PLD1: variants seen among roughly 807,000 people sequenced by gnomAD.
PLD1 encodes the protein phospholipase D1, also known as choline phosphatase 1.
Under a neutral mutation model 137.1 loss-of-function variants are expected in PLD1, and 112 were observed. That is an observed-to-expected ratio of 0.82 (90% CI 0.70 to 0.96). The LOEUF is 0.96. Among genes scored for constraint, PLD1 ranks in the 40% least tolerant of loss-of-function variants. The pLI is 0.00. For missense variants in PLD1, 1,321 were observed against 1,342.0 expected, an observed-to-expected ratio of 0.98 and a Z score of 0.24; for synonymous variants, 431 against 454.7, an observed-to-expected ratio of 0.95 and a Z score of 0.66.
At chr3:171,689,774 C>CT (rs1245748163) in intron 13 of PLD1, among the ~76,000 whole-genome samples, 1 of 152,190 alleles carries the variant, frequency 6.6e-6, no homozygotes, top group African/African-American at 2.4e-5. Flanking sequence ...AGCGCTGGGA[C>CT]TACATGCATG....
chr3:171,701,955 A>G (rs1560232088), intron 11 of PLD1, among the ~76,000 whole-genome samples: 1 of 152,228 alleles, frequency 6.6e-6, no homozygotes, highest in African/African-American at 2.4e-5. Flanking sequence ...TAATGACTTT[A>G]AATGCTTACA....
intron 17 of PLD1, 63 bp from the exon 18 acceptor site, chr3:171,676,896 A>C: frequency 4.5e-6 from 5 of 1,110,264 alleles, no homozygotes; most frequent in Non-Finnish European, 6.8e-6. Flanking sequence ...AGTCTCTCTG[A>C]CTCCAACTAT....
intron 1 of PLD1, among the ~76,000 whole-genome samples, chr3:171,740,250 C>A (rs568164562): frequency 1.3e-5 from 2 of 152,216 alleles, no homozygotes; most frequent in East Asian, 3.9e-4. Context: ...GTTTTCTAAC[C>A]TGGATAACTT....
intron 20 of PLD1, among the ~76,000 whole-genome samples, chr3:171,659,940 T>C (rs1737529427): frequency 2.0e-5 from 3 of 152,236 alleles, no homozygotes; most frequent in Admixed American, 6.5e-5. Context: ...TTTATATATC[T>C]ACAAAATAGT....
intron 1 of PLD1, among the ~76,000 whole-genome samples, chr3:171,745,025 T>C (rs185430618): frequency 3.1e-4 from 47 of 152,344 alleles, no homozygotes; most frequent in Admixed American, 6.5e-4. Flanking sequence ...CTTTGACCTC[T>C]TTGGACGACC....
intron 1 of PLD1, among the ~76,000 whole-genome samples, chr3:171,776,598 T>G (rs572253827): frequency 3.9e-5 from 6 of 152,352 alleles, no homozygotes; most frequent in African/African-American, 1.4e-4. Context: ...GCCCACCAAC[T>G]GGCATTCATT....
rs1474781667 is a variant in PLD1, at chr3:171,612,131, A to G, written c.2882+148T>C. On this transcript the variant is annotated intron_variant, in intron 25 of 26. Transcript: ENST00000351298. This position sits in a 1 kb window ranked among gnomAD's most constrained non-coding sequence, Gnocchi z 4.1. ...ACCACCTAAAGTCATTTCGCATACT[A>G]CTGGTGGTACATATCCTATATTCTG... 1 of 625,142 alleles carries G rather than the reference A, an allele frequency of 1.6e-6. No homozygotes were observed. Among genetic ancestry groups the G allele is most frequent in the African/African-American group, 1.8e-5 (1 of 54,884 alleles). 38.7% of individuals were successfully genotyped at this position (625,142 alleles called of 1,614,324 possible).
chr3:171,709,462 T>C (rs1176881391), intron 10 of PLD1, 98 bp downstream of exon 10: 1 of 977,392 alleles, frequency 1.0e-6, no homozygotes. Flanking sequence ...TAATGCATAA[T>C]CTTTCACAGT....
At chr3:171,649,954 C>T (rs1427302395) in intron 21 of PLD1, among the ~76,000 whole-genome samples, 1 of 152,018 alleles carries the variant, frequency 6.6e-6, no homozygotes, top group African/African-American at 2.4e-5. Context: ...TTAAAATGGC[C>T]CCAATGCAAT....
In PLD1 at chr3:171,683,799, C is replaced by G. The variant is rs146204703; in HGVS notation, c.1867+2886G>C. Among the ~76,000 whole-genome samples the G allele has an allele frequency of 1.2e-3, 183 of 152,250 alleles. 1 individual carries two copies. Among genetic ancestry groups the G allele is most frequent in the Middle Eastern group, 6.8e-3 (2 of 294 alleles). On this transcript the variant is annotated intron_variant, in intron 16 of 26. Transcript: ENST00000351298. ...GTTTTATTCACCACATCTCTAGCAC[C>G]CAGAATAGTGATTGGCATATAACAG...
chr3:171,622,324 A>G (rs1733709522), intron 23 of PLD1, among the ~76,000 whole-genome samples: 1 of 152,228 alleles, frequency 6.6e-6, no homozygotes, highest in African/African-American at 2.4e-5. Context: ...ATTCAGCGGA[A>G]ATCAATTCAG....
intron 19 of PLD1, among the ~76,000 whole-genome samples, chr3:171,671,745 T>C (rs909674862): frequency 2.0e-5 from 3 of 152,116 alleles, no homozygotes; most frequent in African/African-American, 7.2e-5. Flanking sequence ...AAAAAGGTGC[T>C]AAGGAGTCCT....
At position 171,735,563 on chromosome 3, in the gene PLD1, C is replaced by T. The variant is rs1175726135; in HGVS notation, c.363G>A (p.Lys121=). The change falls in exon 4 of 27, where the codon AAG becomes AAA. Residue 121 remains lysine, a synonymous_variant. Transcript: ENST00000351298. ...EFKWQVKRKF[K]HFQEFHRELL... ...GCTCTCTGTGAAATTCTTGAAAATG[C>T]TTGAATTTCCTCTTAACTTGCCATT... The T allele has an allele frequency of 4.4e-6, 7 of 1,604,330 alleles. No individual in the cohort carries two copies. The Admixed American group carries it at 8.3e-5, about 19-fold the overall frequency.
intron 16 of PLD1, among the ~76,000 whole-genome samples, chr3:171,679,041 A>T (rs554012869): frequency 6.6e-6 from 1 of 152,138 alleles, no homozygotes; most frequent in East Asian, 1.9e-4. Flanking sequence ...TCCCACTAAC[A>T]ACTGCCCCAA....
At chr3:171,750,623 A>G (rs931343758) in intron 1 of PLD1, among the ~76,000 whole-genome samples, 2 of 152,132 alleles carry the variant, frequency 1.3e-5, no homozygotes, top group Non-Finnish European at 2.9e-5. Context: ...TGTCATGTAA[A>G]GAAAAAAGAC....
intron 16 of PLD1, among the ~76,000 whole-genome samples, chr3:171,680,413 G>T (rs1186934763): frequency 6.6e-6 from 1 of 151,184 alleles, no homozygotes; most frequent in Non-Finnish European, 1.5e-5. Context: ...TTTTGTATTT[G>T]ATAGTAGAGA....
intron 1 of PLD1, among the ~76,000 whole-genome samples, chr3:171,775,380 C>T (rs1722552842): frequency 6.6e-6 from 1 of 151,842 alleles, no homozygotes; most frequent in South Asian, 2.1e-4. Context: ...TACTTCTTTG[C>T]ATATTGATAA....
At chr3:171,722,570 A>T (rs6806989) in intron 8 of PLD1, among the ~76,000 whole-genome samples, 54,700 of 151,854 alleles carry the variant, frequency 0.36, 10,917 homozygotes, top group African/African-American at 0.52. Context: ...AAGAATGATA[A>T]AACATGTGCC....
At chr3:171,765,218 T>C (rs903584409) in intron 1 of PLD1, 1 of 152,176 alleles carries the variant, frequency 6.6e-6, no homozygotes. Flanking sequence ...AATTATACAA[T>C]ATCAATAAAG....
Sources: gnomAD v4.1 joint callset for allele counts (sites outside exome capture counted in the v4.1 genomes callset) on GRCh38, gnomAD v4.1.1 for gene constraint, Gnocchi (gnomAD v3.1) non-coding constraint, MANE v1.5 for transcripts, NCBI Gene and HGNC (gene_info 2026-07-23, HGNC 2026-07-21) for gene names.